The following DIAPH2 variants were observed in gnomAD, a reference collection of about 807,000 sequenced individuals.
DIAPH2 encodes the protein diaphanous related formin 2, also known as protein diaphanous homolog 2.
A neutral mutation model predicts 92.7 loss-of-function variants in DIAPH2; 35 were observed. The observed-to-expected ratio is 0.38, with a 90% CI of 0.29 to 0.50. The LOEUF (loss-of-function observed/expected upper bound fraction) is 0.50, where lower values mean the gene tolerates loss of function less well. Among genes scored for constraint, DIAPH2 ranks in the 20% least tolerant of loss-of-function variants. The probability of loss-of-function intolerance (pLI) is 0.94; values close to 1 mark genes in which losing one functional copy is unlikely to be tolerated. For synonymous variants in DIAPH2, 301 were observed against 280.4 expected (o/e 1.07, Z -0.73); for missense variants, 701 against 819.5 (o/e 0.86, Z 1.77).
At chrX:97,336,227 ACTTTT>A (rs1402018253) in intron 23 of DIAPH2, among the ~76,000 whole-genome samples, 3 of 104,451 alleles carry the variant, frequency 2.9e-5, no homozygotes, top group Admixed American at 1.0e-4. Context: ...TTGCAGTCAC[ACTTTT>A]CTTTTCTTTT....
At chrX:96,792,745 T>G (rs2064510268) in intron 4 of DIAPH2, among the ~76,000 whole-genome samples, 1 of 111,989 alleles carries the variant, frequency 8.9e-6, no homozygotes, top group Non-Finnish European at 1.9e-5. Context: ...TATGATATTG[T>G]GTATGCTGCA....
At chrX:97,098,828 G>C (rs1429214357) in intron 19 of DIAPH2, among the ~76,000 whole-genome samples, 1 of 112,868 alleles carries the variant, frequency 8.9e-6, no homozygotes, top group East Asian at 2.8e-4. Flanking sequence ...TCACGTTGAG[G>C]ATTAGATTTC....
At chrX:97,485,754 C>G (rs977492737) in intron 26 of DIAPH2, among the ~76,000 whole-genome samples, 1 of 112,210 alleles carries the variant, frequency 8.9e-6, no homozygotes, top group East Asian at 2.8e-4. Flanking sequence ...TGTCATTTGG[C>G]ATTGACTTAT....
At chrX:97,329,169 C>A (rs1424729834) in intron 23 of DIAPH2, among the ~76,000 whole-genome samples, 1 of 112,308 alleles carries the variant, frequency 8.9e-6, no homozygotes, top group Non-Finnish European at 1.9e-5. Context: ...AACTGATTTT[C>A]TTTTCTCTGC....
chrX:97,006,270 G>C (rs1016940172), intron 17 of DIAPH2, among the ~76,000 whole-genome samples: 3 of 112,076 alleles, frequency 2.7e-5, no homozygotes, highest in African/African-American at 9.7e-5. Context: ...TGCATGAAAT[G>C]CTCTGTAAAT....
chrX:97,343,892 T>C (rs936984345), intron 23 of DIAPH2, among the ~76,000 whole-genome samples: 1 of 111,297 alleles, frequency 9.0e-6, no homozygotes, highest in Non-Finnish European at 1.9e-5. Context: ...AATACACTGC[T>C]ATATGAAAAG....
At chrX:96,743,178 G>A (rs2064130316) in intron 3 of DIAPH2, among the ~76,000 whole-genome samples, 1 of 111,342 alleles carries the variant, frequency 9.0e-6, no homozygotes, top group Non-Finnish European at 1.9e-5. Context: ...TCTCAAATGG[G>A]AATTTTTTCT....
At chrX:97,501,992 A>G (rs1319239253) in intron 26 of DIAPH2, among the ~76,000 whole-genome samples, 1 of 111,393 alleles carries the variant, frequency 9.0e-6, no homozygotes, top group African/African-American at 3.3e-5. Flanking sequence ...TAGTAGAGAC[A>G]GGGTTTCGCC....
chrX:96,903,780 A>G (rs2065415116), intron 5 of DIAPH2, among the ~76,000 whole-genome samples: 1 of 111,991 alleles, frequency 8.9e-6, no homozygotes, highest in African/African-American at 3.2e-5. Context: ...GGAGGAAAAT[A>G]TTCTTGATTG....
At chrX:97,390,869 C>T (rs2069652595) in intron 25 of DIAPH2, among the ~76,000 whole-genome samples, 1 of 111,999 alleles carries the variant, frequency 8.9e-6, no homozygotes, top group African/African-American at 3.2e-5. Flanking sequence ...TATGCATATG[C>T]TCAGCTGAGT....
chrX:96,957,066 G>C (rs181845981), intron 15 of DIAPH2, among the ~76,000 whole-genome samples: 387 of 112,521 alleles, frequency 3.4e-3, no homozygotes, highest in African/African-American at 0.012. Flanking sequence ...TGTCACCAAG[G>C]CTGGAGTGCA....
chrX:97,034,047 AATC>A (rs1275365190), intron 17 of DIAPH2, among the ~76,000 whole-genome samples: 1 of 106,180 alleles, frequency 9.4e-6, no homozygotes. Context: ...TAAATTCTGA[AATC>A]ATTTTTTTTT....
At chrX:97,583,154 G>A (rs892718295) in intron 26 of DIAPH2, among the ~76,000 whole-genome samples, 6 of 111,931 alleles carry the variant, frequency 5.4e-5, no homozygotes, top group Non-Finnish European at 1.1e-4. Flanking sequence ...TTGATCGTCT[G>A]AAGTCTTCTT....
rs781658872 is a variant in DIAPH2, at chrX:96,700,246, C to T, written c.132+15056C>T. ...CTGGTCTTGAACCCCTGGGTTCAAGCGATCCACCCGTCTCAGCCTCCCAAA... is the reference window on the plus strand; with the variant it reads ...CTGGTCTTGAACCCCTGGGTTCAAGTGATCCACCCGTCTCAGCCTCCCAAA... On this transcript the variant is annotated intron_variant, in intron 1 of 26. Coordinates refer to ENST00000324765, the MANE Select transcript of DIAPH2 (RefSeq NM_006729.5). 1.0e-3 allele frequency among the ~76,000 whole-genome samples: 113 copies of T among 111,934 alleles called. 1 individual carries two copies. Among genetic ancestry groups the T allele is most frequent in the Admixed American group, 1.0e-3 (11 of 10,584 alleles).
intron 19 of DIAPH2, among the ~76,000 whole-genome samples, chrX:97,083,356 AC>A (rs1036239954): frequency 1.8e-5 from 2 of 112,570 alleles, no homozygotes; most frequent in Non-Finnish European, 3.8e-5. Context: ...AGTGGTAGAC[AC>A]GTAGATTCAT....
chrX:97,275,650 C>T (rs1214024277), intron 23 of DIAPH2, among the ~76,000 whole-genome samples: 8 of 106,131 alleles, frequency 7.5e-5, no homozygotes, highest in Admixed American at 3.0e-4. Flanking sequence ...GGGTTGCGGC[C>T]GGACAGAGGC....
chrX:97,239,943 AG>A (rs1339165616), intron 22 of DIAPH2, among the ~76,000 whole-genome samples: 1 of 110,475 alleles, frequency 9.1e-6, no homozygotes, highest in South Asian at 3.9e-4. Context: ...GTGTAGGCAA[AG>A]ACCTAGTTAA....
intron 1 of DIAPH2, among the ~76,000 whole-genome samples, chrX:96,696,671 G>A (rs150312084): frequency 1.8e-5 from 2 of 111,995 alleles, no homozygotes; most frequent in Admixed American, 9.5e-5. Context: ...CTTCCTCTGC[G>A]TCATCCTGAT....
At chrX:96,694,282 C>T (rs2063813062) in intron 1 of DIAPH2, among the ~76,000 whole-genome samples, 2 of 110,809 alleles carry the variant, frequency 1.8e-5, no homozygotes, top group South Asian at 7.6e-4. Flanking sequence ...GCACTCCTTT[C>T]AGCAATTTTC....
Sources: gnomAD v4.1 joint callset for allele counts (sites outside exome capture counted in the v4.1 genomes callset) on GRCh38, gnomAD v4.1.1 for gene constraint, MANE v1.5 for transcripts, NCBI Gene and HGNC (gene_info 2026-07-23, HGNC 2026-07-21) for gene names.